DPP6: variants seen among roughly 807,000 people sequenced by gnomAD.
The protein encoded by DPP6 is dipeptidyl peptidase like 6.
Under a neutral mutation model 122.6 loss-of-function variants are expected in DPP6, and 69 were observed. The ratio of observed to expected loss-of-function variants is 0.56; its 90% CI spans 0.46 to 0.69. The LOEUF (loss-of-function observed/expected upper bound fraction) is 0.69. Among genes scored for constraint, DPP6 ranks in the 30% least tolerant of loss-of-function variants. DPP6 has a pLI of 0.00. For synonymous variants in DPP6, 418 were observed against 433.1 expected (o/e 0.97, Z 0.43); for missense variants, 928 against 1,116.9 (o/e 0.83, Z 2.41).
At position 154,162,424 on chromosome 7, in the gene DPP6, G is replaced by A. The variant is rs192101492; in HGVS notation, c.243+109361G>A. Among the ~76,000 whole-genome samples the A allele has an allele frequency of 2.2e-3, 331 of 152,328 alleles. 7 individuals carry two copies. The highest frequency in any genetic ancestry group is 8.3e-4 in the South Asian group (4 of 4,826). ...TTCTATACACTTAAGGGTTACAAAA[G>A]GAGTTATTAAATGTGAATAACGTCT... is the stretch of plus-strand genomic sequence containing the variant. On this transcript the variant is annotated intron_variant, in intron 1 of 25. Coordinates refer to ENST00000377770, the MANE Select transcript of DPP6 (RefSeq NM_130797.4).
intron 5 of DPP6, among the ~76,000 whole-genome samples, chr7:154,567,164 A>C (rs529750156): frequency 2.4e-4 from 37 of 152,206 alleles, no homozygotes; most frequent in Non-Finnish European, 4.4e-4. Flanking sequence ...GGAGGATGGT[A>C]AGAACTTGTC....
At chr7:154,407,467 A>G (rs1816215135) in intron 1 of DPP6, among the ~76,000 whole-genome samples, 1 of 152,166 alleles carries the variant, frequency 6.6e-6, no homozygotes, top group South Asian at 2.1e-4. Flanking sequence ...GTTTTCTTTG[A>G]TGCCTTTAAT....
rs146195884 is a variant in DPP6 at position 154,439,919 on chromosome 7, C to T, written c.244-6295C>T. Among the ~76,000 whole-genome samples, 170 of 152,210 alleles carry T rather than the reference C, an allele frequency of 1.1e-3. 1 individual carries two copies. The Middle Eastern group carries it at 0.014, about 12-fold the overall frequency. Reference sequence around the variant, plus strand: ...CCCAGGTGAGTCCATGAGGCGCATACGGAAAGGGTGTGGGAGAGCCCTGGG... The same window carrying T: ...CCCAGGTGAGTCCATGAGGCGCATATGGAAAGGGTGTGGGAGAGCCCTGGG... On this transcript the variant is annotated intron_variant, in intron 1 of 25. Transcript: ENST00000377770.
At position 154,687,498 on chromosome 7, in the gene DPP6, C is replaced by T. The variant is rs540637492; in HGVS notation, c.762+18057C>T. On this transcript the variant is annotated intron_variant, in intron 7 of 25. Transcript: ENST00000377770. ...GCATTTTCTATTCATGTCACAACTT[C>T]TGTAAAACACTTGTTCATGTCTTTT... 2.0e-5 allele frequency among the ~76,000 whole-genome samples: 3 copies of T among 152,310 alleles called. No homozygotes were observed. In the East Asian group the frequency reaches 5.8e-4, roughly 29 times the overall value.
chr7:154,769,405 GT>G lies in DPP6; in HGVS notation c.884-8del. 6.2e-7 allele frequency: 1 copy of G among 1,613,246 alleles called. No individual in the cohort carries two copies. The highest frequency in any genetic ancestry group is 8.5e-7 in the Non-Finnish European group (1 of 1,179,746). The stretch of plus-strand genomic sequence containing the variant: ...GTTACTATTCACATTTCTCTACTCT[GT>G]TTTCCCTTAGAGGAGATTTTGAAGA... On this transcript the variant is annotated splice_polypyrimidine_tract_variant and intron_variant, in intron 8 of 25. Coordinates refer to ENST00000377770, the MANE Select transcript of DPP6 (RefSeq NM_130797.4).
At chr7:154,339,307 G>T (rs1256101992) in intron 1 of DPP6, among the ~76,000 whole-genome samples, 9 of 152,216 alleles carry the variant, frequency 5.9e-5, no homozygotes, top group African/African-American at 2.2e-4. Context: ...GGGGTGGTGG[G>T]ACAGGGCTTC....
chr7:154,095,078 C>T (rs1402663258), intron 1 of DPP6: 1 of 152,144 alleles, frequency 6.6e-6, no homozygotes, highest in East Asian at 1.9e-4. Flanking sequence ...TCTGTTGTTT[C>T]ACCCTGCACA....
intron 1 of DPP6, among the ~76,000 whole-genome samples, chr7:154,233,717 A>G (rs947399345): frequency 1.3e-5 from 2 of 152,122 alleles, no homozygotes; most frequent in Admixed American, 1.3e-4. Flanking sequence ...GAAGAAACCA[A>G]CCCTGATGAC....
At chr7:154,842,843 C>T (rs1801657911) in intron 16 of DPP6, among the ~76,000 whole-genome samples, 1 of 152,230 alleles carries the variant, frequency 6.6e-6, no homozygotes, top group African/African-American at 2.4e-5. Context: ...CTGCTATCAG[C>T]AGGCGTGCCA....
chr7:154,282,807 G>C lies in DPP6; in HGVS notation c.244-163407G>C, dbSNP rs985927628. Among the ~76,000 whole-genome samples, 4 of 152,152 alleles carry C rather than the reference G, an allele frequency of 2.6e-5. No homozygotes were observed. The highest frequency in any genetic ancestry group is 4.4e-5 in the Non-Finnish European group (3 of 68,020). Reference sequence around the variant, plus strand: ...ATAGGGTTGATTCCTAAAGGGTTTAGAAATAACCACAAATAGGCCCATTTA... The same window carrying C: ...ATAGGGTTGATTCCTAAAGGGTTTACAAATAACCACAAATAGGCCCATTTA... On this transcript the variant is annotated intron_variant, in intron 1 of 25. Transcript: ENST00000377770. This position sits in a 1 kb window ranked among gnomAD's most constrained non-coding sequence, Gnocchi z 4.8.
chr7:153,785,091 TC>T, the DPP6 span, among the ~76,000 whole-genome samples: 2 of 152,210 alleles, frequency 1.3e-5, no homozygotes, highest in African/African-American at 4.8e-5. Flanking sequence ...TTACTGTTTT[TC>T]TGTTTGTTTG....
At chr7:154,063,620 G>T (rs1178519075) in intron 1 of DPP6, among the ~76,000 whole-genome samples, 1 of 125,284 alleles carries the variant, frequency 8.0e-6, no homozygotes, top group Non-Finnish European at 1.7e-5. Context: ...CACCCCCCAC[G>T]AGGCAGGGAC....
At chr7:154,385,993 T>G (rs1814071786) in intron 1 of DPP6, among the ~76,000 whole-genome samples, 1 of 152,126 alleles carries the variant, frequency 6.6e-6, no homozygotes, top group African/African-American at 2.4e-5. Context: ...CTGGTCTTCA[T>G]GATATCATTC....
In DPP6 at chr7:154,539,389, C is replaced by G. The variant is rs11769974; in HGVS notation, c.458-1143C>G. ...TTACTATTTTTGTTTTATAAAATTTCTTGGTGTACGCATGTTCTCACTCAT... is the reference window on the plus strand; with the variant it reads ...TTACTATTTTTGTTTTATAAAATTTGTTGGTGTACGCATGTTCTCACTCAT... On this transcript the variant is annotated intron_variant, in intron 3 of 25. Coordinates refer to ENST00000377770, the MANE Select transcript of DPP6 (RefSeq NM_130797.4). Among the ~76,000 whole-genome samples the G allele has an allele frequency of 2.6e-3, 389 of 152,014 alleles. 1 individual carries two copies. The highest frequency in any genetic ancestry group is 3.9e-3 in the Non-Finnish European group (263 of 67,980).
At chr7:153,953,575 G>T (rs1419937738) in intron 1 of DPP6, among the ~76,000 whole-genome samples, 2 of 152,128 alleles carry the variant, frequency 1.3e-5, no homozygotes, top group African/African-American at 2.4e-5. Flanking sequence ...GCATGGGCCT[G>T]GGCAAGTCGG....
intron 17 of DPP6, among the ~76,000 whole-genome samples, chr7:154,861,160 T>A (rs1416138797): frequency 2.0e-5 from 3 of 152,148 alleles, no homozygotes; most frequent in African/African-American, 7.2e-5. Context: ...AAGTGGCCTT[T>A]ATGTGAGGGG....
intron 1 of DPP6, among the ~76,000 whole-genome samples, chr7:154,389,196 G>C (rs1814392538): frequency 6.6e-6 from 1 of 152,138 alleles, no homozygotes; most frequent in Non-Finnish European, 1.5e-5. Flanking sequence ...CAATCCCAGA[G>C]CACCTGGGAG....
At chr7:154,247,149 C>T (rs977457498) in intron 1 of DPP6, among the ~76,000 whole-genome samples, 8 of 152,058 alleles carry the variant, frequency 5.3e-5, no homozygotes, top group Non-Finnish European at 1.2e-4. Context: ...CCCATCTCTA[C>T]TAAAAATACA....
At chr7:154,193,951 G>A (rs192691922) in intron 1 of DPP6, among the ~76,000 whole-genome samples, 44 of 152,162 alleles carry the variant, frequency 2.9e-4, no homozygotes, top group Middle Eastern at 6.8e-3. Flanking sequence ...TGCAATTGGT[G>A]TAATATAGGC....
Sources: allele counts gnomAD v4.1 joint callset (sites outside exome capture counted in the v4.1 genomes callset), GRCh38; gene constraint gnomAD v4.1.1; non-coding constraint Gnocchi (gnomAD v3.1); transcripts MANE v1.5; gene names NCBI Gene and HGNC (gene_info 2026-07-23, HGNC 2026-07-21).